Variants in PPP2R2B observed in about 807,000 individuals in gnomAD.
The protein encoded by PPP2R2B is serine/threonine-protein phosphatase 2A 55 kDa regulatory subunit B beta isoform.
Under a neutral mutation model 46.0 loss-of-function variants are expected in PPP2R2B, and 5 were observed. The observed-to-expected ratio is 0.11, with a 90% CI of 0.06 to 0.23. The LOEUF (loss-of-function observed/expected upper bound fraction) is 0.23, where lower values mean the gene tolerates loss of function less well. PPP2R2B is among the 10% of genes least tolerant of loss of function. The pLI, the probability that PPP2R2B is intolerant of heterozygous loss-of-function variation, is 1.00. For missense variants in PPP2R2B, 367 were observed against 575.0 expected (o/e 0.64, Z 3.70); for synonymous variants, 215 against 206.7 (o/e 1.04, Z -0.34).
chr5:146,664,103 G>T (rs1776834724), intron 5 of PPP2R2B, among the ~76,000 whole-genome samples: 2 of 152,072 alleles, frequency 1.3e-5, no homozygotes, highest in Non-Finnish European at 2.9e-5. Flanking sequence ...GACTCCCAAA[G>T]TGCTGGGATT....
At chr5:146,786,301 T>A (rs1263075851) in intron 2 of PPP2R2B, among the ~76,000 whole-genome samples, 2 of 152,188 alleles carry the variant, frequency 1.3e-5, no homozygotes, top group Non-Finnish European at 2.9e-5. Context: ...CCCACCCCAC[T>A]TTTCTGTGAT....
chr5:146,694,635 G>T (rs1779069751), intron 4 of PPP2R2B, among the ~76,000 whole-genome samples: 1 of 152,010 alleles, frequency 6.6e-6, no homozygotes, highest in South Asian at 2.1e-4. Flanking sequence ...TTTGGGGGGA[G>T]AATACAAATC....
chr5:146,837,710 T>C (rs1345394218), intron 2 of PPP2R2B, among the ~76,000 whole-genome samples: 5 of 152,240 alleles, frequency 3.3e-5, no homozygotes, highest in Non-Finnish European at 7.3e-5. Flanking sequence ...TTTTTTGTAC[T>C]AAGTCTTCTA....
intron 2 of PPP2R2B, among the ~76,000 whole-genome samples, chr5:146,841,707 CT>C (rs1759656301): frequency 6.6e-6 from 1 of 152,150 alleles, no homozygotes; most frequent in Admixed American, 6.5e-5. Flanking sequence ...ACCGCATGTT[CT>C]CACTTATAAG....
At chr5:146,729,855 C>T (rs964124425) in intron 2 of PPP2R2B, among the ~76,000 whole-genome samples, 1 of 152,230 alleles carries the variant, frequency 6.6e-6, no homozygotes, top group Non-Finnish European at 1.5e-5. Context: ...GGGCAGGGCC[C>T]TCATGGAGAA....
intron 1 of PPP2R2B, among the ~76,000 whole-genome samples, chr5:147,011,300 C>T (rs1580798681): frequency 7.2e-6 from 1 of 139,302 alleles, no homozygotes. Context: ...ATTATAAATG[C>T]CCCCCCCATC....
intron 7 of PPP2R2B, among the ~76,000 whole-genome samples, chr5:146,601,569 G>C (rs1173070957): frequency 6.6e-6 from 1 of 152,196 alleles, no homozygotes; most frequent in Non-Finnish European, 1.5e-5. Flanking sequence ...AATAAAAAAA[G>C]TGGTGCTTTC....
At chr5:146,954,634 AC>A (rs1751791345) in intron 1 of PPP2R2B, among the ~76,000 whole-genome samples, 1 of 152,126 alleles carries the variant, frequency 6.6e-6, no homozygotes, top group South Asian at 2.1e-4. Flanking sequence ...ACCAAACACC[AC>A]CATTCCCCAA....
intron 5 of PPP2R2B, among the ~76,000 whole-genome samples, chr5:146,661,783 C>G (rs1234563600): frequency 1.3e-5 from 2 of 152,194 alleles, no homozygotes; most frequent in Non-Finnish European, 2.9e-5. Flanking sequence ...TCCCCAGACA[C>G]TTACTTTTTA....
intron 7 of PPP2R2B, among the ~76,000 whole-genome samples, chr5:146,617,456 A>T (rs1270940882): frequency 6.6e-6 from 1 of 152,212 alleles, no homozygotes; most frequent in Non-Finnish European, 1.5e-5. Flanking sequence ...TGTGAATCAA[A>T]ATATCTCATG....
chr5:146,893,745 G>A (rs369378009), intron 1 of PPP2R2B, among the ~76,000 whole-genome samples: 1 of 152,080 alleles, frequency 6.6e-6, no homozygotes, highest in Non-Finnish European at 1.5e-5. Flanking sequence ...GAGAGCATTA[G>A]GACAAATACC....
chr5:147,057,685 TG>T (rs1757133045), upstream of PPP2R2B, among the ~76,000 whole-genome samples: 1 of 152,236 alleles, frequency 6.6e-6, no homozygotes, highest in Non-Finnish European at 1.5e-5. Flanking sequence ...ATGTTGCTGC[TG>T]TTAGCCTTCT....
At chr5:146,928,572 C>T (rs1384193201) in intron 1 of PPP2R2B, among the ~76,000 whole-genome samples, 2 of 152,102 alleles carry the variant, frequency 1.3e-5, no homozygotes, top group Admixed American at 6.6e-5. Context: ...CTTCTTACCA[C>T]GGTCACTGCT....
At chr5:146,774,081 G>A (rs1317805038) in intron 2 of PPP2R2B, among the ~76,000 whole-genome samples, 1 of 152,074 alleles carries the variant, frequency 6.6e-6, no homozygotes, top group Non-Finnish European at 1.5e-5. Flanking sequence ...TATAAGCCTT[G>A]GACTAATCCT....
At chr5:146,941,325 C>T (rs1018469577) in intron 1 of PPP2R2B, among the ~76,000 whole-genome samples, 3 of 152,124 alleles carry the variant, frequency 2.0e-5, no homozygotes, top group African/African-American at 4.8e-5. Flanking sequence ...CCTAATTTTC[C>T]TTTCAGCTCA....
chr5:146,840,808 C>T (rs144946436), intron 2 of PPP2R2B, among the ~76,000 whole-genome samples: 107 of 152,282 alleles, frequency 7.0e-4, no homozygotes, highest in African/African-American at 2.4e-3. Context: ...CATTCTAAAA[C>T]AATCTATTCA....
At chr5:147,021,175 T>A (rs1167126607) in intron 1 of PPP2R2B, among the ~76,000 whole-genome samples, 2 of 152,086 alleles carry the variant, frequency 1.3e-5, no homozygotes, top group African/African-American at 4.8e-5. Context: ...TATCAAACAA[T>A]GAACAACACA....
At chr5:146,760,291 T>C (rs2151251725) in intron 2 of PPP2R2B, among the ~76,000 whole-genome samples, 1 of 152,314 alleles carries the variant, frequency 6.6e-6, no homozygotes, top group Non-Finnish European at 1.5e-5. Flanking sequence ...ATGAAGGAAC[T>C]GAAGTATATG....
intron 7 of PPP2R2B, among the ~76,000 whole-genome samples, chr5:146,620,938 C>T (rs939111254): frequency 4.6e-5 from 7 of 152,234 alleles, no homozygotes; most frequent in East Asian, 1.9e-4. Flanking sequence ...GTGCTGAACT[C>T]CCAAGCTGCC....
Sources: allele counts gnomAD v4.1 joint callset (sites outside exome capture counted in the v4.1 genomes callset), GRCh38; gene constraint gnomAD v4.1.1; transcripts MANE v1.5; gene names NCBI Gene and HGNC (gene_info 2026-07-23, HGNC 2026-07-21).